RPH3A: variants seen among roughly 807,000 people sequenced by gnomAD.
RPH3A encodes the protein rabphilin 3A.
Under a neutral mutation model 102.2 loss-of-function variants are expected in RPH3A, and 48 were observed. That is an observed-to-expected ratio of 0.47 (90% CI 0.37 to 0.60). The LOEUF is 0.60. RPH3A is among the 20% of genes least tolerant of loss of function. RPH3A has a pLI of 0.00. For synonymous variants in RPH3A, 310 were observed against 324.3 expected (o/e 0.96, Z 0.47); for missense variants, 781 against 910.1 (o/e 0.86, Z 1.83).
chr12:112,727,442 TAC>T (rs1175233140), intron 1 of RPH3A, among the ~76,000 whole-genome samples: 9 of 93,792 alleles, frequency 9.6e-5, no homozygotes, highest in African/African-American at 1.3e-4. Flanking sequence ...CACACATACA[TAC>T]ACACACAGAC....
At chr12:112,593,924 G>A (rs1031351423) in intron 1 of RPH3A, among the ~76,000 whole-genome samples, 1 of 152,156 alleles carries the variant, frequency 6.6e-6, no homozygotes, top group Non-Finnish European at 1.5e-5. Flanking sequence ...CTAACTCCTG[G>A]TACTTCCCCC....
chr12:112,798,889 TTCTC>T (rs376712511), intron 2 of RPH3A, among the ~76,000 whole-genome samples: 2 of 151,798 alleles, frequency 1.3e-5, no homozygotes, highest in African/African-American at 4.8e-5. Context: ...TCCTTTCCTT[TTCTC>T]TCTCTCTCTC....
At chr12:112,679,043 C>T (rs1228084321) in intron 1 of RPH3A, among the ~76,000 whole-genome samples, 1 of 152,164 alleles carries the variant, frequency 6.6e-6, no homozygotes, top group Non-Finnish European at 1.5e-5. Context: ...ACCAACCTGC[C>T]CCCCACTGCA....
At chr12:112,658,340 C>A (rs1003658002) in intron 1 of RPH3A, among the ~76,000 whole-genome samples, 2 of 152,028 alleles carry the variant, frequency 1.3e-5, no homozygotes, top group Non-Finnish European at 2.9e-5. Context: ...CCATGCCTGG[C>A]TAATTTTTGT....
At chr12:112,633,812 A>T (rs1460753965) in intron 1 of RPH3A, among the ~76,000 whole-genome samples, 1 of 152,174 alleles carries the variant, frequency 6.6e-6, no homozygotes, top group Non-Finnish European at 1.5e-5. Context: ...TGAATATTTC[A>T]AAACCTGGAA....
intron 5 of RPH3A, among the ~76,000 whole-genome samples, chr12:112,852,168 C>G (rs978130030): frequency 6.6e-6 from 1 of 152,120 alleles, no homozygotes; most frequent in South Asian, 2.1e-4. Context: ...TTCAGGTAGC[C>G]CCTCTCTTTG....
At position 112,718,967 on chromosome 12, in the gene RPH3A, T is replaced by C. The variant is rs191802463; in HGVS notation, c.-139-73176T>C. On this transcript the variant is annotated intron_variant, in intron 1 of 21. Coordinates refer to the RPH3A transcript ENST00000543106. ...CAGAATTTATGATTCCACCTTAATGTTGGTAAGGCTTCATCTTGGAGATGG... is the reference window on the plus strand; with the variant it reads ...CAGAATTTATGATTCCACCTTAATGCTGGTAAGGCTTCATCTTGGAGATGG... Among the ~76,000 whole-genome samples the C allele has an allele frequency of 7.2e-4, 110 of 152,340 alleles. 3 individuals are homozygous for C. The highest frequency in any genetic ancestry group is 7.2e-3 in the Admixed American group (110 of 15,304).
intron 4 of RPH3A, among the ~76,000 whole-genome samples, chr12:112,839,043 C>T (rs1044856597): frequency 2.0e-5 from 3 of 151,976 alleles, no homozygotes; most frequent in African/African-American, 7.3e-5. Context: ...CTTGGCAATT[C>T]CCTTTCTCCT....
chr12:112,638,926 G>C (rs1256986698), intron 1 of RPH3A, among the ~76,000 whole-genome samples: 1 of 152,174 alleles, frequency 6.6e-6, no homozygotes, highest in East Asian at 1.9e-4. Context: ...GCCCAGGACA[G>C]CTCCCATTGA....
At chr12:112,586,609 G>T (rs1172153648) in intron 1 of RPH3A, among the ~76,000 whole-genome samples, 1 of 152,158 alleles carries the variant, frequency 6.6e-6, no homozygotes, top group East Asian at 1.9e-4. Flanking sequence ...GTAGGGGCCA[G>T]GTCACTTGCA....
intron 1 of RPH3A, among the ~76,000 whole-genome samples, chr12:112,671,023 T>C (rs1023590910): frequency 6.6e-6 from 1 of 151,410 alleles, no homozygotes; most frequent in African/African-American, 2.4e-5. Context: ...CAAGTTTAGT[T>C]GTTAAAAAAA....
chr12:112,739,999 C>T (rs2040697626), intron 1 of RPH3A, among the ~76,000 whole-genome samples: 1 of 152,104 alleles, frequency 6.6e-6, no homozygotes, highest in Admixed American at 6.5e-5. Flanking sequence ...TCTGGCTGGC[C>T]TCACCCTCCC....
intron 1 of RPH3A, among the ~76,000 whole-genome samples, chr12:112,778,718 C>A (rs1314239087): frequency 6.6e-6 from 1 of 152,176 alleles, no homozygotes; most frequent in East Asian, 1.9e-4. Context: ...TACAAAGAAG[C>A]CTCTTGGCAG....
intron 2 of RPH3A, among the ~76,000 whole-genome samples, chr12:112,795,551 G>C (rs541473899): frequency 5.3e-5 from 8 of 152,232 alleles, no homozygotes; most frequent in African/African-American, 1.9e-4. Flanking sequence ...GTGGGCTCTG[G>C]GGGCGGTCAG....
intron 1 of RPH3A, among the ~76,000 whole-genome samples, chr12:112,712,149 T>C (rs746899120): frequency 2.6e-5 from 4 of 152,178 alleles, no homozygotes; most frequent in Non-Finnish European, 4.4e-5. Context: ...ATTTTAGTTC[T>C]TAGGTTAATT....
At chr12:112,667,115 A>G (rs1463091642) in intron 1 of RPH3A, among the ~76,000 whole-genome samples, 2 of 151,952 alleles carry the variant, frequency 1.3e-5, no homozygotes, top group African/African-American at 2.4e-5. Context: ...AGAGTGCCTC[A>G]CCTCTTCTGC....
At chr12:112,893,242 G>C (rs540104867) in intron 19 of RPH3A, 14 of 152,234 alleles carry the variant, frequency 9.2e-5, no homozygotes, top group Admixed American at 7.2e-4. Flanking sequence ...TTTTTTAAAA[G>C]CCAGAACTTC....
chr12:112,722,011 T>C (rs1301159961), intron 1 of RPH3A, among the ~76,000 whole-genome samples: 1 of 152,184 alleles, frequency 6.6e-6, no homozygotes, highest in Non-Finnish European at 1.5e-5. Flanking sequence ...TCTGCACCTA[T>C]GGTAATTTGA....
At chr12:112,820,031 G>A (rs531450657) in intron 2 of RPH3A, among the ~76,000 whole-genome samples, 2 of 152,316 alleles carry the variant, frequency 1.3e-5, no homozygotes, top group East Asian at 3.9e-4. Context: ...CAAGGATACA[G>A]AAAGGGAAGA....
Sources: gnomAD v4.1 joint callset for allele counts (sites outside exome capture counted in the v4.1 genomes callset) on GRCh38, gnomAD v4.1.1 for gene constraint, MANE v1.5 for transcripts, NCBI Gene and HGNC (gene_info 2026-07-23, HGNC 2026-07-21) for gene names.